The following CRPPA variants were observed in gnomAD, a reference collection of about 807,000 sequenced individuals.
CRPPA encodes D-ribitol-5-phosphate cytidylyltransferase.
CRPPA carries 43 observed loss-of-function variants against 52.0 expected under a neutral mutation model. The observed-to-expected ratio is 0.83, with a 90% CI of 0.65 to 1.07. CRPPA has a LOEUF of 1.07. Among genes scored for constraint, CRPPA ranks in the 50% least tolerant of loss-of-function variants. The pLI is 0.00. For synonymous variants in CRPPA, 250 were observed against 203.5 expected, an observed-to-expected ratio of 1.23 and a Z score of -1.94; for missense variants, 629 against 551.7, an observed-to-expected ratio of 1.14 and a Z score of -1.40.
At chr7:16,226,226 A>G (rs1013358751) in intron 8 of CRPPA, among the ~76,000 whole-genome samples, 2 of 152,012 alleles carry the variant, frequency 1.3e-5, no homozygotes, top group African/African-American at 4.8e-5. Context: ...AACATCTTAT[A>G]CATATTTATT....
rs538918284 is a variant in CRPPA at position 16,289,071 on chromosome 7, G to C, written c.836-10845C>G. Among the ~76,000 whole-genome samples, 10 of 152,054 alleles carry C rather than the reference G, an allele frequency of 6.6e-5. 1 individual carries two copies. The South Asian group carries it at 2.1e-3, about 32-fold the overall frequency. ...ACAGAGGATGATGAGAAATTATTAT[G>C]AACAACTATATGCTGATAAATTGGA... On this transcript the variant is annotated intron_variant, in intron 5 of 9. Coordinates refer to ENST00000407010, the MANE Select transcript of CRPPA (RefSeq NM_001101426.4).
intron 9 of CRPPA, among the ~76,000 whole-genome samples, chr7:16,098,004 A>G (rs1781968836): frequency 6.6e-6 from 1 of 152,234 alleles, no homozygotes; most frequent in Admixed American, 6.5e-5. Flanking sequence ...AACTATTCCC[A>G]GAGTACTTAA....
Position 16,303,477 on chromosome 7 carries a change from T to TAA in CRPPA, c.790-2013_790-2012dup, listed in dbSNP as rs545663821. Among the ~76,000 whole-genome samples the TAA allele has an allele frequency of 1.8e-3, 83 of 44,970 alleles. 6 individuals are homozygous for TAA. Among genetic ancestry groups the TAA allele is most frequent in the African/African-American group, 4.7e-3 (57 of 12,076 alleles). 29.5% of individuals were successfully genotyped at this position (44,970 alleles called of 152,430 possible). A position where few individuals can be genotyped will look rare whatever the true frequency, so the allele number is the denominator to read the frequency against. On this transcript the variant is annotated intron_variant, in intron 4 of 9. Coordinates refer to ENST00000407010, the MANE Select transcript of CRPPA (RefSeq NM_001101426.4). ...GTTTCTGTGTTGAGACATAAAATAG[T>TAA]AAAAAAAAAAAAAAAAAAAAAAAAA...
At chr7:16,188,042 A>ATT (rs34518390) in intron 9 of CRPPA, among the ~76,000 whole-genome samples, 22 of 115,500 alleles carry the variant, frequency 1.9e-4, no homozygotes, top group Non-Finnish European at 3.3e-4. Flanking sequence ...ATTTGGGTGA[A>ATT]TTTTTTTTTT....
intron 1 of CRPPA, among the ~76,000 whole-genome samples, chr7:16,419,861 G>A (rs1461320868): frequency 6.6e-6 from 1 of 152,050 alleles, no homozygotes; most frequent in African/African-American, 2.4e-5. Context: ...TAATTTTTGA[G>A]TAATAATTTT....
At chr7:16,305,875 C>T (rs1438443070) in intron 4 of CRPPA, among the ~76,000 whole-genome samples, 1 of 151,966 alleles carries the variant, frequency 6.6e-6, no homozygotes, top group Non-Finnish European at 1.5e-5. Flanking sequence ...AGCAAGACTC[C>T]GTCAAAAACA....
chr7:16,300,062 T>C (rs1054142863), intron 5 of CRPPA, among the ~76,000 whole-genome samples: 2 of 152,222 alleles, frequency 1.3e-5, no homozygotes, highest in African/African-American at 2.4e-5. Flanking sequence ...TGTTTACACA[T>C]TGCTTGGTTG....
chr7:16,410,849 G>C (rs1409266728), intron 1 of CRPPA, among the ~76,000 whole-genome samples: 1 of 152,094 alleles, frequency 6.6e-6, no homozygotes, highest in African/African-American at 2.4e-5. Flanking sequence ...CCCTGCCCGA[G>C]TCTTTCATAC....
intron 3 of CRPPA, among the ~76,000 whole-genome samples, chr7:16,314,579 A>AT (rs1324549370): frequency 6.6e-6 from 1 of 151,924 alleles, no homozygotes; most frequent in Non-Finnish European, 1.5e-5. Flanking sequence ...GATTTTGAAC[A>AT]TTTTTTTACA....
chr7:16,301,153 C>G (rs1055699723), intron 5 of CRPPA, among the ~76,000 whole-genome samples: 1 of 152,132 alleles, frequency 6.6e-6, no homozygotes, highest in Non-Finnish European at 1.5e-5. Flanking sequence ...TTGCTATTTT[C>G]CTTCTAATAG....
At chr7:16,233,300 T>A (rs541699541) in intron 8 of CRPPA, among the ~76,000 whole-genome samples, 45 of 152,134 alleles carry the variant, frequency 3.0e-4, no homozygotes, top group African/African-American at 1.1e-3. Context: ...CATTCCTAAT[T>A]GAATGAAAAT....
At chr7:16,180,789 TA>T (rs1170758079) in intron 9 of CRPPA, among the ~76,000 whole-genome samples, 1 of 152,076 alleles carries the variant, frequency 6.6e-6, no homozygotes, top group East Asian at 1.9e-4. Context: ...TTATTGGAAT[TA>T]TGTCTACGTA....
chr7:16,117,593 TACATCATCAGAACCAGGGAGC>T (rs796390009), intron 9 of CRPPA, among the ~76,000 whole-genome samples: 52 of 152,288 alleles, frequency 3.4e-4, no homozygotes, highest in African/African-American at 1.2e-3. Flanking sequence ...TGCACCCCAG[TACATCATCAGAACCAGGGAGC>T]ACATCCTTGC....
intron 8 of CRPPA, among the ~76,000 whole-genome samples, chr7:16,234,580 TA>T: frequency 6.6e-6 from 1 of 152,298 alleles, no homozygotes; most frequent in Admixed American, 6.5e-5. Context: ...TTCTCCTTAA[TA>T]GAATGTAGCC....
At chr7:16,284,305 G>A (rs570040933) in intron 5 of CRPPA, among the ~76,000 whole-genome samples, 1 of 152,100 alleles carries the variant, frequency 6.6e-6, no homozygotes, top group South Asian at 2.1e-4. Context: ...TTTAAAAATA[G>A]ACATATATAA....
intron 1 of CRPPA, among the ~76,000 whole-genome samples, chr7:16,407,675 C>T (rs1428680919): frequency 6.6e-6 from 1 of 152,152 alleles, no homozygotes; most frequent in Non-Finnish European, 1.5e-5. Context: ...CGAACAGACC[C>T]TTTCCACAAC....
At chr7:16,420,881 G>A (rs1254945939) in intron 1 of CRPPA, among the ~76,000 whole-genome samples, 185 bp downstream of exon 1, 1 of 152,238 alleles carries the variant, frequency 6.6e-6, no homozygotes, top group African/African-American at 2.4e-5. Flanking sequence ...CAGCTTTCGT[G>A]CCCATCTGTT....
intron 8 of CRPPA, among the ~76,000 whole-genome samples, chr7:16,248,677 A>G (rs959093562): frequency 3.3e-5 from 5 of 152,170 alleles, no homozygotes; most frequent in Non-Finnish European, 5.9e-5. Flanking sequence ...CTGCACTTCC[A>G]ACTGAGGTAC....
chr7:16,404,852 G>A (rs927387850), intron 2 of CRPPA, among the ~76,000 whole-genome samples: 3 of 152,164 alleles, frequency 2.0e-5, no homozygotes, highest in Non-Finnish European at 4.4e-5. Flanking sequence ...ACAAGATCCA[G>A]GGGAAAGTTT....
Sources: gnomAD v4.1 joint callset for allele counts (sites outside exome capture counted in the v4.1 genomes callset) on GRCh38, gnomAD v4.1.1 for gene constraint, MANE v1.5 for transcripts, NCBI Gene and HGNC (gene_info 2026-07-23, HGNC 2026-07-21) for gene names.